Variants in KANSL1L observed in about 807,000 individuals in gnomAD.
KANSL1L encodes KAT8 regulatory NSL complex subunit 1-like protein.
Under a neutral mutation model 108.6 loss-of-function variants are expected in KANSL1L, and 25 were observed. That is an observed-to-expected ratio of 0.23 (90% CI 0.17 to 0.32). KANSL1L has a LOEUF of 0.32. KANSL1L is among the 10% of genes least tolerant of loss of function. The pLI is 1.00. For missense variants in KANSL1L, 1,137 were observed against 1,125.7 expected (o/e 1.01, Z -0.14); for synonymous variants, 405 against 395.1 (o/e 1.03, Z -0.30).
intron 6 of KANSL1L, among the ~76,000 whole-genome samples, chr2:210,046,277 A>C (rs979244169): frequency 6.6e-6 from 1 of 152,128 alleles, no homozygotes; most frequent in Non-Finnish European, 1.5e-5. Flanking sequence ...TGTCCTTCTC[A>C]CATGCAAAAT....
At chr2:210,051,100 A>G (rs1398022309) in intron 6 of KANSL1L, among the ~76,000 whole-genome samples, 1 of 152,152 alleles carries the variant, frequency 6.6e-6, no homozygotes, top group African/African-American at 2.4e-5. Flanking sequence ...AGCCTTTAAC[A>G]TATCTTAATA....
chr2:210,143,453 T>C (rs1647262890), intron 2 of KANSL1L, among the ~76,000 whole-genome samples: 1 of 152,164 alleles, frequency 6.6e-6, no homozygotes, highest in Non-Finnish European at 1.5e-5. Context: ...TCCGAGGCAA[T>C]TGTTGATAGG....
At chr2:210,036,575 C>T (rs1333700778) in intron 8 of KANSL1L, among the ~76,000 whole-genome samples, 1 of 152,138 alleles carries the variant, frequency 6.6e-6, no homozygotes, top group African/African-American at 2.4e-5. Flanking sequence ...CTGTAATTCA[C>T]CTTTGATTCT....
chr2:210,079,605 T>A (rs1225379364), intron 5 of KANSL1L, among the ~76,000 whole-genome samples: 6 of 64,640 alleles, frequency 9.3e-5, no homozygotes, highest in Admixed American at 4.5e-4. Flanking sequence ...AAAAAAAATA[T>A]GTATGTGTAT....
chr2:210,128,945 G>A, intron 3 of KANSL1L, 86 bp downstream of exon 3: 1 of 1,113,392 alleles, frequency 9.0e-7, no homozygotes, highest in Non-Finnish European at 1.3e-6. Context: ...ATAAAACCTT[G>A]TAACAATTAT....
intron 6 of KANSL1L, among the ~76,000 whole-genome samples, chr2:210,064,948 G>C (rs886289752): frequency 6.6e-6 from 1 of 151,998 alleles, no homozygotes; most frequent in Middle Eastern, 3.4e-3. Flanking sequence ...ATGTGCAAAG[G>C]GCCAAATGGT....
intron 1 of KANSL1L, among the ~76,000 whole-genome samples, chr2:210,157,513 AAGG>A (rs1389630315): frequency 1.4e-5 from 2 of 142,642 alleles, no homozygotes; most frequent in East Asian, 2.1e-4. Flanking sequence ...TGGGCAACAT[AAGG>A]AGACTTCTCT....
intron 5 of KANSL1L, among the ~76,000 whole-genome samples, chr2:210,094,009 T>C (rs975744510): frequency 2.0e-5 from 3 of 152,134 alleles, no homozygotes; most frequent in Non-Finnish European, 2.9e-5. Context: ...CCTAGAGTAG[T>C]CAAATTCATA....
chr2:210,052,579 C>G (rs1418279946), intron 6 of KANSL1L, among the ~76,000 whole-genome samples: 2 of 152,218 alleles, frequency 1.3e-5, no homozygotes, highest in East Asian at 3.8e-4. Context: ...GAAAGGACTT[C>G]TGACTCTCCT....
At chr2:210,166,502 T>C (rs1459810936) in intron 1 of KANSL1L, among the ~76,000 whole-genome samples, 3 of 152,162 alleles carry the variant, frequency 2.0e-5, no homozygotes, top group Non-Finnish European at 4.4e-5. Context: ...CCTGAGAATG[T>C]GCATTAAAGA....
At chr2:210,102,274 G>C (rs2094801026) in intron 4 of KANSL1L, among the ~76,000 whole-genome samples, 1 of 151,950 alleles carries the variant, frequency 6.6e-6, no homozygotes, top group African/African-American at 2.4e-5. Flanking sequence ...GCTCTTTTGT[G>C]GTAACTGGAT....
chr2:210,148,086 G>C (rs1208988022), intron 2 of KANSL1L, among the ~76,000 whole-genome samples: 1 of 152,070 alleles, frequency 6.6e-6, no homozygotes, highest in East Asian at 1.9e-4. Flanking sequence ...ACATATCTAA[G>C]TAAAAACTTA....
intron 8 of KANSL1L, among the ~76,000 whole-genome samples, chr2:210,034,998 T>G (rs1034550902): frequency 6.6e-6 from 1 of 152,204 alleles, no homozygotes; most frequent in Non-Finnish European, 1.5e-5. Flanking sequence ...ATGATGCCCC[T>G]TTAGCCCTAA....
intron 8 of KANSL1L, 30 bp from the exon 9 acceptor site, chr2:210,031,576 T>G (rs1463652745): frequency 3.5e-6 from 5 of 1,411,166 alleles, no homozygotes; most frequent in Non-Finnish European, 4.8e-6. Flanking sequence ...AATATTAAGT[T>G]TTAGTTCCTT....
At chr2:210,058,488 C>A (rs1029844448) in intron 6 of KANSL1L, among the ~76,000 whole-genome samples, 4 of 152,060 alleles carry the variant, frequency 2.6e-5, no homozygotes, top group Non-Finnish European at 5.9e-5. Context: ...ATCTCTGTGA[C>A]CCACACCCTA....
rs1019262209 is a variant in KANSL1L, at chr2:210,022,750, C to T, written c.*199G>A. The T allele has an allele frequency of 2.2e-5, 12 of 549,874 alleles. No homozygotes were observed. Among genetic ancestry groups the T allele is most frequent in the Non-Finnish European group, 2.9e-5 (9 of 308,538 alleles). The allele number at this position is 549,874 out of a possible 1,614,324, so 34.1% of individuals were successfully genotyped here. On this transcript the variant is annotated 3_prime_UTR_variant, in exon 15 of 15. Transcript: ENST00000281772. ...GCATGATAAACACAAATGACTACCA[C>T]TTGTCTGTAGATGAAAATCTGGTTA...
intron 8 of KANSL1L, among the ~76,000 whole-genome samples, chr2:210,036,254 T>C (rs1468680676): frequency 6.6e-6 from 1 of 152,198 alleles, no homozygotes; most frequent in Non-Finnish European, 1.5e-5. Flanking sequence ...CGATCATTGC[T>C]CATTGCAGCC....
At chr2:210,083,917 G>C (rs1312219348) in intron 5 of KANSL1L, among the ~76,000 whole-genome samples, 3 of 150,378 alleles carry the variant, frequency 2.0e-5, no homozygotes, top group Non-Finnish European at 4.4e-5. Flanking sequence ...ATTGGCAAAA[G>C]TAAATACCTC....
At chr2:210,170,811 C>T (rs1288237838) in intron 1 of KANSL1L, among the ~76,000 whole-genome samples, 1 of 152,206 alleles carries the variant, frequency 6.6e-6, no homozygotes, top group Non-Finnish European at 1.5e-5. Flanking sequence ...GCGCACGCGC[C>T]AGCCAAAACA....
Sources: allele counts gnomAD v4.1 joint callset (sites outside exome capture counted in the v4.1 genomes callset), GRCh38; gene constraint gnomAD v4.1.1; transcripts MANE v1.5; gene names NCBI Gene and HGNC (gene_info 2026-07-23, HGNC 2026-07-21).